The following GPR158 variants were observed in gnomAD, a reference collection of about 807,000 sequenced individuals.
The protein encoded by GPR158 is G protein-coupled receptor 158.
Under a neutral mutation model 78.2 loss-of-function variants are expected in GPR158, and 30 were observed. The observed-to-expected ratio is 0.38, with a 90% CI of 0.29 to 0.52. The LOEUF (loss-of-function observed/expected upper bound fraction) is 0.52. GPR158 is among the 20% of genes least tolerant of loss of function. GPR158 has a pLI of 0.83. For missense variants in GPR158, 1,463 were observed against 1,523.5 expected, an observed-to-expected ratio of 0.96 and a Z score of 0.66; for synonymous variants, 581 against 591.1, an observed-to-expected ratio of 0.98 and a Z score of 0.25.
intron 2 of GPR158, among the ~76,000 whole-genome samples, chr10:25,381,006 A>G (rs1243131202): frequency 6.6e-6 from 1 of 152,232 alleles, no homozygotes; most frequent in South Asian, 2.1e-4. Flanking sequence ...TGACACAGAG[A>G]TCAAATTTAT....
At chr10:25,272,914 A>G (rs1422052183) in intron 2 of GPR158, among the ~76,000 whole-genome samples, 1 of 152,228 alleles carries the variant, frequency 6.6e-6, no homozygotes, top group Non-Finnish European at 1.5e-5. Context: ...TCCTAGAATT[A>G]TAAGTGAACC....
At position 25,217,763 on chromosome 10, in the gene GPR158, C is replaced by T. The variant is rs553922240; in HGVS notation, c.903-3289C>T. Among the ~76,000 whole-genome samples the T allele has an allele frequency of 7.3e-4, 111 of 152,276 alleles. 1 individual carries two copies. In the South Asian group the frequency reaches 0.022, roughly 30 times the overall value. Reference sequence around the variant, plus strand: ...TTGATGGACTGAATCCTGCTTCGGGCTTGTTGTTCTATTAATGGACAAATA... The same window carrying T: ...TTGATGGACTGAATCCTGCTTCGGGTTTGTTGTTCTATTAATGGACAAATA... On this transcript the variant is annotated intron_variant, in intron 1 of 10. Coordinates refer to ENST00000376351, the MANE Select transcript of GPR158 (RefSeq NM_020752.3).
intron 2 of GPR158, among the ~76,000 whole-genome samples, chr10:25,321,210 A>C (rs999847892): frequency 2.0e-5 from 3 of 152,206 alleles, no homozygotes; most frequent in Non-Finnish European, 4.4e-5. Flanking sequence ...ATTTAATGCT[A>C]AATATGTATT....
intron 2 of GPR158, among the ~76,000 whole-genome samples, chr10:25,302,659 T>C (rs1427101194): frequency 1.3e-5 from 2 of 152,204 alleles, no homozygotes; most frequent in Non-Finnish European, 2.9e-5. Flanking sequence ...TTTTTTAAGA[T>C]AACTTGTACA....
At chr10:25,279,145 A>G (rs1335027136) in intron 2 of GPR158, among the ~76,000 whole-genome samples, 1 of 152,132 alleles carries the variant, frequency 6.6e-6, no homozygotes, top group African/African-American at 2.4e-5. Flanking sequence ...TGACAACACT[A>G]CTACTACTGC....
intron 2 of GPR158, among the ~76,000 whole-genome samples, chr10:25,267,280 C>T (rs1257133861): frequency 1.3e-5 from 2 of 152,094 alleles, no homozygotes; most frequent in African/African-American, 2.4e-5. Flanking sequence ...AGGAAACTTA[C>T]AATCATGGTG....
At chr10:25,392,673 T>C (rs1834316625) in intron 2 of GPR158, among the ~76,000 whole-genome samples, 1 of 152,330 alleles carries the variant, frequency 6.6e-6, no homozygotes, top group South Asian at 2.1e-4. Flanking sequence ...AGTTTTTTTT[T>C]TAAACTAGGT....
chr10:25,404,452 A>G (rs920997708), intron 3 of GPR158, among the ~76,000 whole-genome samples: 32 of 152,146 alleles, frequency 2.1e-4, no homozygotes, highest in African/African-American at 7.5e-4. Flanking sequence ...TTATACATGA[A>G]TATTGAAATA....
intron 4 of GPR158, among the ~76,000 whole-genome samples, chr10:25,422,166 T>C (rs780455759): frequency 6.6e-6 from 1 of 152,162 alleles, no homozygotes; most frequent in African/African-American, 2.4e-5. Flanking sequence ...GGGGTTACTG[T>C]CTTTTTGTCC....
intron 1 of GPR158, among the ~76,000 whole-genome samples, chr10:25,210,147 C>A (rs377155949): frequency 2.0e-5 from 3 of 152,208 alleles, no homozygotes; most frequent in African/African-American, 7.2e-5. Flanking sequence ...CTTGAACCCA[C>A]CCCATTTACA....
chr10:25,551,686 C>G (rs1836727157), intron 6 of GPR158, among the ~76,000 whole-genome samples: 1 of 152,130 alleles, frequency 6.6e-6, no homozygotes. Flanking sequence ...AAATGAACTA[C>G]CTATCTACAA....
At chr10:25,424,641 A>G (rs948677019) in intron 4 of GPR158, among the ~76,000 whole-genome samples, 1 of 151,748 alleles carries the variant, frequency 6.6e-6, no homozygotes, top group African/African-American at 2.4e-5. Context: ...TAAATAGGGA[A>G]TCCTTTCCCC....
At chr10:25,570,093 G>C (rs1219671155) in intron 6 of GPR158, among the ~76,000 whole-genome samples, 1 of 152,142 alleles carries the variant, frequency 6.6e-6, no homozygotes, top group Non-Finnish European at 1.5e-5. Context: ...GGTTCAACCA[G>C]AAACAAATAT....
chr10:25,209,258 A>G lies in GPR158; in HGVS notation c.903-11794A>G, dbSNP rs961288848. On this transcript the variant is annotated intron_variant, in intron 1 of 10. Transcript: ENST00000376351. The stretch of plus-strand genomic sequence containing the variant: ...CTTCTTTTTGACTACTGTTAGATCT[A>G]TGTACCACTCTATCTCTTCCTCTTA... Among the ~76,000 whole-genome samples, 48 of 152,196 alleles carry G rather than the reference A, an allele frequency of 3.2e-4. 1 individual carries two copies. Among genetic ancestry groups the G allele is most frequent in the Admixed American group, 3.1e-3 (48 of 15,270 alleles).
chr10:25,287,680 T>C (rs1381714576), intron 2 of GPR158, among the ~76,000 whole-genome samples: 6 of 152,166 alleles, frequency 3.9e-5, no homozygotes, highest in Admixed American at 3.9e-4. Flanking sequence ...AGCAAATGCA[T>C]ATATCTTGTC....
At chr10:25,222,138 G>A (rs1853307192) in intron 2 of GPR158, among the ~76,000 whole-genome samples, 4 of 151,860 alleles carry the variant, frequency 2.6e-5, no homozygotes, top group Admixed American at 1.3e-4. Context: ...ATGTATATAC[G>A]CCCATTGAGT....
At chr10:25,508,023 C>T (rs183665124) in intron 5 of GPR158, among the ~76,000 whole-genome samples, 5 of 152,242 alleles carry the variant, frequency 3.3e-5, no homozygotes, top group East Asian at 3.9e-4. Flanking sequence ...GGGATGATTA[C>T]GAATGGAAAT....
chr10:25,452,716 T>C, intron 4 of GPR158, among the ~76,000 whole-genome samples: 1 of 152,338 alleles, frequency 6.6e-6, no homozygotes, highest in East Asian at 1.9e-4. Flanking sequence ...TTGACAAAGA[T>C]GGTATATATT....
intron 5 of GPR158, among the ~76,000 whole-genome samples, chr10:25,516,931 G>A (rs1347101558): frequency 6.9e-6 from 1 of 145,900 alleles, no homozygotes; most frequent in Non-Finnish European, 1.5e-5. Context: ...GCTTGATGGG[G>A]ATGGCATTGA....
Sources: gnomAD v4.1 joint callset for allele counts (sites outside exome capture counted in the v4.1 genomes callset) on GRCh38, gnomAD v4.1.1 for gene constraint, MANE v1.5 for transcripts, NCBI Gene and HGNC (gene_info 2026-07-23, HGNC 2026-07-21) for gene names.